The following TTF2 variants were observed in gnomAD, a reference collection of about 807,000 sequenced individuals.
TTF2 encodes transcription termination factor 2, also known as RNA polymerase II termination factor.
A neutral mutation model predicts 142.4 loss-of-function variants in TTF2; 108 were observed. The observed-to-expected ratio is 0.76, with a 90% CI of 0.65 to 0.89. The LOEUF (loss-of-function observed/expected upper bound fraction) is 0.89, where lower values mean the gene tolerates loss of function less well. Ranked by LOEUF, TTF2 falls within the 40% of genes least tolerant of loss-of-function variation. The probability of loss-of-function intolerance (pLI) is 0.00; values close to 1 mark genes in which losing one functional copy is unlikely to be tolerated. For synonymous variants in TTF2, 483 were observed against 506.2 expected (o/e 0.95, Z 0.61); for missense variants, 1,327 against 1,379.8 (o/e 0.96, Z 0.61).
chr1:117,096,008 G>A (rs1649106451), intron 19 of TTF2, 141 bp from the exon 20 acceptor site: 2 of 801,710 alleles, frequency 2.5e-6, no homozygotes, highest in Admixed American at 2.7e-5. Flanking sequence ...CTAAATGTGT[G>A]CCTTCTCCCT....
At position 117,096,298 on chromosome 1, in the gene TTF2, A is replaced by C; in HGVS notation, c.3185A>C (p.Gln1062Pro). The stretch of plus-strand genomic sequence containing the variant: ...GCATTTAACCACTCCAGAGGCCCTC[A>C]GGTACAAGCTGGTCACATCAGAGCC... ...VEAFNHSRGP[Q>P]VMLISLLAGG... is the part of the protein sequence containing the mutation. The change falls in exon 20 of 23, where the codon CAG becomes CCG. Residue 1062 changes from glutamine (Q) to proline (P), a missense_variant and splice_region_variant. Transcript: ENST00000369466. 1 of 1,614,072 alleles carries C rather than the reference A, an allele frequency of 6.2e-7. No homozygotes were observed. The highest frequency in any genetic ancestry group is 1.1e-5 in the South Asian group (1 of 91,066).
chr1:117,065,052 G>A (rs1655980425), intron 3 of TTF2, among the ~76,000 whole-genome samples: 1 of 151,932 alleles, frequency 6.6e-6, no homozygotes, highest in African/African-American at 2.4e-5. Flanking sequence ...CTATTTCTGG[G>A]GTTGCTAATC....
intron 3 of TTF2, among the ~76,000 whole-genome samples, chr1:117,071,746 C>G (rs1023203961): frequency 2.0e-5 from 3 of 152,060 alleles, no homozygotes; most frequent in Admixed American, 1.3e-4. Flanking sequence ...GTACAACAGG[C>G]AAGTCATAGT....
Position 117,102,763 on chromosome 1 carries a change from T to G in TTF2, c.*1239T>G, listed in dbSNP as rs1649684718. ...TCCAATCCAATACTAATAATACTAT[T>G]GGTACAATCCAATACTAATAATACT... On this transcript the variant is annotated 3_prime_UTR_variant, in exon 23 of 23. Coordinates refer to ENST00000369466, the MANE Select transcript of TTF2 (RefSeq NM_003594.4). 1 of 150,676 alleles carries G rather than the reference T, an allele frequency of 6.6e-6. No homozygotes were observed. The highest frequency in any genetic ancestry group is 1.5e-5 in the Non-Finnish European group (1 of 68,020). 9.3% of individuals were successfully genotyped at this position (150,676 alleles called of 1,614,324 possible). A position where few individuals can be genotyped will look rare whatever the true frequency, so the allele number is the denominator to read the frequency against.
At chr1:117,091,740 C>T in intron 16 of TTF2, 77 bp from the exon 17 acceptor site, 2 of 1,528,820 alleles carry the variant, frequency 1.3e-6, no homozygotes, top group Non-Finnish European at 1.8e-6. Context: ...TAAAGTAGCC[C>T]CATGTAGTTC....
At chr1:117,083,103 A>G (rs868749703) in intron 10 of TTF2, among the ~76,000 whole-genome samples, 41 of 152,154 alleles carry the variant, frequency 2.7e-4, no homozygotes, top group African/African-American at 9.6e-4. Context: ...TTAGCCAAGC[A>G]TGGTGGCAGG....
In TTF2 at chr1:117,086,618, G is replaced by A. The variant is rs1006822660; in HGVS notation, c.2160+96G>A. ...TCCACGATAGCAAGAGGACCTCCCT[G>A]GAGGTCAGGAATGCTGTAAATGATC... is the stretch of plus-strand genomic sequence containing the variant. On this transcript the variant is annotated intron_variant, in intron 12 of 22. Coordinates refer to ENST00000369466, the MANE Select transcript of TTF2 (RefSeq NM_003594.4). This position sits in a 1 kb window ranked among gnomAD's most constrained non-coding sequence, Gnocchi z 4.2. 1 of 817,062 alleles carries A rather than the reference G, an allele frequency of 1.2e-6. No homozygotes were observed. The highest frequency in any genetic ancestry group is 1.7e-5 in the African/African-American group (1 of 59,096). 50.6% of individuals were successfully genotyped at this position (817,062 alleles called of 1,614,324 possible). A position where few individuals can be genotyped will look rare whatever the true frequency, so the allele number is the denominator to read the frequency against.
chr1:117,064,581 A>T (rs939718551), intron 3 of TTF2, among the ~76,000 whole-genome samples: 1 of 152,116 alleles, frequency 6.6e-6, no homozygotes, highest in African/African-American at 2.4e-5. Flanking sequence ...GCCGTGGTAC[A>T]ATCTTGGCTC....
intron 19 of TTF2, 80 bp from the exon 20 acceptor site, chr1:117,096,064 TAAGAA>T: frequency 6.7e-7 from 1 of 1,496,968 alleles, no homozygotes; most frequent in Non-Finnish European, 9.1e-7. Flanking sequence ...TAGCTAACCT[TAAGAA>T]TGATGAGGGC....
chr1:117,101,672 C>A lies in TTF2; in HGVS notation c.*148C>A. On this transcript the variant is annotated 3_prime_UTR_variant, in exon 23 of 23. Transcript: ENST00000369466. The surrounding 1 kb of genome is among the most constrained non-coding windows in gnomAD (Gnocchi z 5.9). Reference sequence around the variant, plus strand: ...CACCTTCCTCAAAATGAGGCATAATCTTATCCCCAGAATTGAGGAGGGGTT... The same window carrying A: ...CACCTTCCTCAAAATGAGGCATAATATTATCCCCAGAATTGAGGAGGGGTT... The A allele has an allele frequency of 1.2e-6, 1 of 859,718 alleles. No individual in the cohort carries two copies. The highest frequency in any genetic ancestry group is 1.6e-6 in the Non-Finnish European group (1 of 611,672). The allele number at this position is 859,718 out of a possible 1,614,324, so 53.3% of individuals were successfully genotyped here.
chr1:117,101,371 GT>G lies in TTF2; in HGVS notation c.3345-3del, dbSNP rs1557835551. ...GATAGTTTGCTTATTTTTTGTTTTT[GT>G]TTTTTAGATTTGTTTGTGAGGGAAC... is the stretch of plus-strand genomic sequence containing the variant. On this transcript the variant is annotated splice_polypyrimidine_tract_variant and splice_region_variant and intron_variant, in intron 22 of 22. Coordinates refer to ENST00000369466, the MANE Select transcript of TTF2 (RefSeq NM_003594.4). This position sits in a 1 kb window ranked among gnomAD's most constrained non-coding sequence, Gnocchi z 5.9. 9 of 1,569,974 alleles carry G rather than the reference GT, an allele frequency of 5.7e-6. No homozygotes were observed. The highest frequency in any genetic ancestry group is 2.1e-5 in the Admixed American group (1 of 47,246).
At chr1:117,084,261 C>A in intron 11 of TTF2, 93 bp downstream of exon 11, 1 of 1,501,892 alleles carries the variant, frequency 6.7e-7, no homozygotes, top group South Asian at 1.2e-5. Flanking sequence ...TTCACTTAAT[C>A]AGGACGCGTA....
chr1:117,081,877 G>T lies in TTF2; in HGVS notation c.1833G>T (p.Leu611=). The part of the protein sequence containing the change: ...GKTLTMIALI[L]TQKNQEKKEE... The stretch of plus-strand genomic sequence containing the variant: ...CCCTGACAATGATTGCGCTCATCCT[G>T]ACCCAGAAGAATCAAGAGAAAAAGG... Residue 611 remains leucine (L), a synonymous_variant, in exon 10 of 23, where the codon CTG becomes CTT. Transcript: ENST00000369466. The T allele has an allele frequency of 8.1e-6, 13 of 1,614,148 alleles. No homozygotes were observed. The highest frequency in any genetic ancestry group is 1.1e-5 in the Non-Finnish European group (13 of 1,180,024).
At chr1:117,064,279 A>G (rs1322634525) in intron 3 of TTF2, among the ~76,000 whole-genome samples, 1 of 151,940 alleles carries the variant, frequency 6.6e-6, no homozygotes, top group Non-Finnish European at 1.5e-5. Context: ...GGAGTTTGAG[A>G]CCAGCCTGGC....
chr1:117,094,482 C>T (rs1346114397), intron 18 of TTF2, among the ~76,000 whole-genome samples: 1 of 152,134 alleles, frequency 6.6e-6, no homozygotes, highest in African/African-American at 2.4e-5. Context: ...CTGACAGCTC[C>T]CCTGTGGACT....
intron 10 of TTF2, among the ~76,000 whole-genome samples, chr1:117,082,897 T>G (rs896639623): frequency 5.3e-5 from 8 of 152,182 alleles, no homozygotes; most frequent in Non-Finnish European, 1.0e-4. Context: ...TAGACAACAC[T>G]ACATGTAAGT....
At position 117,090,352 on chromosome 1, in the gene TTF2, C is replaced by A; in HGVS notation, c.2496+144C>A. 7.9e-7 allele frequency: 1 copy of A among 1,258,320 alleles called. No homozygotes were observed. The highest frequency in any genetic ancestry group is 1.1e-6 in the Non-Finnish European group (1 of 901,542). The allele number at this position is 1,258,320 out of a possible 1,614,324, so 77.9% of individuals were successfully genotyped here. A position where few individuals can be genotyped will look rare whatever the true frequency, so the allele number is the denominator to read the frequency against. On this transcript the variant is annotated intron_variant, in intron 14 of 22. Coordinates refer to ENST00000369466, the MANE Select transcript of TTF2 (RefSeq NM_003594.4). This position sits in a 1 kb window ranked among gnomAD's most constrained non-coding sequence, Gnocchi z 4.8. The stretch of plus-strand genomic sequence containing the variant: ...GTGAGGAGGCCCCAGGGTTGCAGTT[C>A]CATGCCTAGTGTCATAGCAATCCAG...
At chr1:117,062,529 G>A (rs1263738132) in intron 3 of TTF2, 56 bp downstream of exon 3, 1 of 1,484,222 alleles carries the variant, frequency 6.7e-7, no homozygotes, top group African/African-American at 1.4e-5. Flanking sequence ...TTTTCTCCCT[G>A]AAAGAGTTGT....
At chr1:117,066,446 T>C (rs1294603062) in intron 3 of TTF2, among the ~76,000 whole-genome samples, 2 of 152,130 alleles carry the variant, frequency 1.3e-5, no homozygotes, top group African/African-American at 2.4e-5. Flanking sequence ...ACGTGTTCCT[T>C]CCTCCATTTT....
Sources: gnomAD v4.1 joint callset for allele counts (sites outside exome capture counted in the v4.1 genomes callset) on GRCh38, gnomAD v4.1.1 for gene constraint, Gnocchi (gnomAD v3.1) non-coding constraint, MANE v1.5 for transcripts, NCBI Gene and HGNC (gene_info 2026-07-23, HGNC 2026-07-21) for gene names.